The following FAM24B variants were observed in gnomAD, a reference collection of about 807,000 sequenced individuals.
FAM24B encodes protein FAM24B.
Under a neutral mutation model 2.3 loss-of-function variants are expected in FAM24B, and 3 were observed. The ratio of observed to expected loss-of-function variants is 1.29; its 90% confidence interval spans 0.59 to 3.32. The LOEUF is 3.32. FAM24B is among the 30% of genes most tolerant of loss of function. The pLI, the probability that FAM24B is intolerant of heterozygous loss-of-function variation, is 0.03. For missense variants in FAM24B, 98 were observed against 117.2 expected, an observed-to-expected ratio of 0.84 and a Z score of 0.76; for synonymous variants, 36 against 46.3, an observed-to-expected ratio of 0.78 and a Z score of 0.90.
chr10:122,849,968 A>G (rs1488563602), intron 3 of FAM24B, among the ~76,000 whole-genome samples: 2 of 152,134 alleles, frequency 1.3e-5, no homozygotes, highest in African/African-American at 2.4e-5. Context: ...CAAATGGAGG[A>G]ATATCCTGAG....
At chr10:122,850,273 GTTC>G (rs759378421) in intron 3 of FAM24B, 148 bp downstream of exon 3, 17 of 666,630 alleles carry the variant, frequency 2.6e-5, no homozygotes, top group Non-Finnish European at 4.1e-5. Flanking sequence ...AAAGCTGCCT[GTTC>G]TTCTTGACTT....
At chr10:122,852,969 T>C (rs1445944675) in intron 2 of FAM24B, among the ~76,000 whole-genome samples, 2 of 152,196 alleles carry the variant, frequency 1.3e-5, no homozygotes. Flanking sequence ...TCTGAACCCA[T>C]TGGTGTTTCC....
At chr10:122,871,814 G>A (rs1414359185) in intron 1 of FAM24B, among the ~76,000 whole-genome samples, 1 of 152,018 alleles carries the variant, frequency 6.6e-6, no homozygotes, top group Non-Finnish European at 1.5e-5. Flanking sequence ...TTACATGTTA[G>A]ACCTAAAACC....
intron 2 of FAM24B, among the ~76,000 whole-genome samples, chr10:122,854,255 T>C (rs1847597183): frequency 6.6e-6 from 1 of 152,186 alleles, no homozygotes; most frequent in African/African-American, 2.4e-5. Context: ...TTTAGTAATA[T>C]CTTTCTGAGT....
intron 1 of FAM24B, among the ~76,000 whole-genome samples, chr10:122,878,727 A>C (rs1335908031): frequency 6.6e-6 from 1 of 151,674 alleles, no homozygotes; most frequent in Non-Finnish European, 1.5e-5. Flanking sequence ...GAGATGGAGA[A>C]AGACAGGGAA....
intron 1 of FAM24B, among the ~76,000 whole-genome samples, chr10:122,859,806 GCTAGGCTGGC>G (rs1847698949): frequency 6.6e-6 from 1 of 152,146 alleles, no homozygotes; most frequent in Non-Finnish European, 1.5e-5. Context: ...AGAGTTTAAG[GCTAGGCTGGC>G]CCTTCCGAGA....
chr10:122,849,194 C>A lies in FAM24B; in HGVS notation c.*53G>T, dbSNP rs571685469. On this transcript the variant is annotated 3_prime_UTR_variant, in exon 4 of 4. Coordinates refer to ENST00000368898, the MANE Select transcript of FAM24B (RefSeq NM_152644.3). ...CTAGAACTTGATTTGAATAACAAAA[C>A]AATCTACTAAGAAGTATTGCTCATG... is the stretch of plus-strand genomic sequence containing the variant. 1 of 1,307,658 alleles carries A rather than the reference C, an allele frequency of 7.6e-7. No homozygotes were observed. Among genetic ancestry groups the A allele is most frequent in the Non-Finnish European group, 1.0e-6 (1 of 975,486 alleles). The allele number at this position is 1,307,658 out of a possible 1,614,324, so 81.0% of individuals were successfully genotyped here. A position where few individuals can be genotyped will look rare whatever the true frequency, so the allele number is the denominator to read the frequency against.
At chr10:122,863,240 G>T (rs1008209334) in intron 1 of FAM24B, among the ~76,000 whole-genome samples, 1 of 152,188 alleles carries the variant, frequency 6.6e-6, no homozygotes, top group African/African-American at 2.4e-5. Context: ...ACTGATTGAT[G>T]ACTTCATGCC....
intron 1 of FAM24B, among the ~76,000 whole-genome samples, chr10:122,875,212 G>C (rs193206404): frequency 1.8e-4 from 28 of 152,212 alleles, no homozygotes; most frequent in Non-Finnish European, 8.8e-5. Flanking sequence ...CCAGTCTCCT[G>C]ATAAACCCAT....
intron 1 of FAM24B, among the ~76,000 whole-genome samples, chr10:122,867,724 G>A (rs1847824041): frequency 6.6e-6 from 1 of 152,212 alleles, no homozygotes; most frequent in Admixed American, 6.5e-5. Flanking sequence ...ACTTGCAGCT[G>A]AGGGTCCTGA....
intron 1 of FAM24B, among the ~76,000 whole-genome samples, chr10:122,859,888 G>A (rs564235891): frequency 5.3e-5 from 8 of 152,122 alleles, no homozygotes; most frequent in Non-Finnish European, 1.2e-4. Context: ...CACTGGATGA[G>A]GAGTTGTTCA....
rs114060874 is a variant in FAM24B at position 122,860,435 on chromosome 10, T to G, written c.-177-4649A>C. On this transcript the variant is annotated intron_variant, in intron 1 of 3. Transcript: ENST00000368898. ...TTCATACATTGAAGGACATGTGGAT[T>G]TATTTCCAGGTTTTGACAATTATAA... Among the ~76,000 whole-genome samples the G allele has an allele frequency of 2.8e-3, 419 of 152,338 alleles. 2 individuals are homozygous for G. The highest frequency in any genetic ancestry group is 9.7e-3 in the African/African-American group (404 of 41,578).
chr10:122,857,423 C>A (rs897068891), intron 1 of FAM24B, among the ~76,000 whole-genome samples: 3 of 152,160 alleles, frequency 2.0e-5, no homozygotes, highest in East Asian at 3.9e-4. Flanking sequence ...ATGAAGCCAA[C>A]GAGCTTTGCT....
At chr10:122,861,875 C>A (rs1278812090) in intron 1 of FAM24B, among the ~76,000 whole-genome samples, 1 of 152,136 alleles carries the variant, frequency 6.6e-6, no homozygotes, top group Non-Finnish European at 1.5e-5. Context: ...ACCCACTGAC[C>A]TTAGGGTAAA....
chr10:122,849,205 G>A lies in FAM24B; in HGVS notation c.*42C>T, dbSNP rs1184649131. The A allele has an allele frequency of 1.4e-6, 2 of 1,398,728 alleles. No individual in the cohort carries two copies. Among genetic ancestry groups the A allele is most frequent in the Non-Finnish European group, 1.9e-6 (2 of 1,037,182 alleles). 86.6% of individuals were successfully genotyped at this position (1,398,728 alleles called of 1,614,324 possible). A position where few individuals can be genotyped will look rare whatever the true frequency, so the allele number is the denominator to read the frequency against. On this transcript the variant is annotated 3_prime_UTR_variant, in exon 4 of 4. Coordinates refer to ENST00000368898, the MANE Select transcript of FAM24B (RefSeq NM_152644.3). ...TTTGAATAACAAAACAATCTACTAA[G>A]AAGTATTGCTCATGAAGATTTTTGT...
intron 1 of FAM24B, among the ~76,000 whole-genome samples, chr10:122,873,128 G>C (rs951330468): frequency 1.3e-5 from 2 of 152,142 alleles, no homozygotes; most frequent in Non-Finnish European, 2.9e-5. Context: ...TGGATTTTCA[G>C]TATAGATGAA....
chr10:122,875,804 G>C (rs939812271), intron 1 of FAM24B, among the ~76,000 whole-genome samples: 8 of 152,102 alleles, frequency 5.3e-5, no homozygotes, highest in African/African-American at 1.9e-4. Context: ...GATCTCAGGA[G>C]TTGGACAAGT....
intron 1 of FAM24B, among the ~76,000 whole-genome samples, chr10:122,865,566 T>A (rs900824430): frequency 2.6e-5 from 4 of 152,184 alleles, no homozygotes; most frequent in Non-Finnish European, 5.9e-5. Context: ...GAGGTATTGG[T>A]CTGTATGTTT....
At chr10:122,853,085 C>A (rs79798780) in intron 2 of FAM24B, among the ~76,000 whole-genome samples, 216 of 152,114 alleles carry the variant, frequency 1.4e-3, no homozygotes, top group African/African-American at 5.0e-3. Context: ...CCCTAGCTAG[C>A]CTTCCTTCTT....
Sources: gnomAD v4.1 joint callset for allele counts (sites outside exome capture counted in the v4.1 genomes callset) on GRCh38, gnomAD v4.1.1 for gene constraint, MANE v1.5 for transcripts, NCBI Gene and HGNC (gene_info 2026-07-23, HGNC 2026-07-21) for gene names.